MAD1L1: variants seen among roughly 807,000 people sequenced by gnomAD.
MAD1L1 encodes the protein mitotic spindle assembly checkpoint protein MAD1.
MAD1L1 carries 95 observed loss-of-function variants against 96.9 expected under a neutral mutation model. The observed-to-expected ratio is 0.98, with a 90% CI of 0.83 to 1.16. The LOEUF (loss-of-function observed/expected upper bound fraction) is 1.16, where lower values mean the gene tolerates loss of function less well. Ranked by LOEUF, MAD1L1 falls within the 50% of genes most tolerant of loss-of-function variation. The pLI is 0.00. For synonymous variants in MAD1L1, 473 were observed against 396.6 expected (o/e 1.19, Z -2.29); for missense variants, 1,007 against 954.4 (o/e 1.06, Z -0.73).
intron 10 of MAD1L1, among the ~76,000 whole-genome samples, chr7:2,199,636 G>A (rs868682034): frequency 2.0e-5 from 3 of 152,234 alleles, no homozygotes; most frequent in East Asian, 3.8e-4. Context: ...CGCCTGGCAC[G>A]GGCAGGGGTG....
At chr7:2,173,961 A>G (rs1790831232) in intron 10 of MAD1L1, among the ~76,000 whole-genome samples, 1 of 151,982 alleles carries the variant, frequency 6.6e-6, no homozygotes, top group African/African-American at 2.4e-5. Context: ...AGGCCAGCAC[A>G]CCCAGCTGCT....
intron 18 of MAD1L1, among the ~76,000 whole-genome samples, chr7:1,863,820 G>A (rs1784646990): frequency 6.6e-6 from 1 of 152,142 alleles, no homozygotes; most frequent in African/African-American, 2.4e-5. Flanking sequence ...CAGGCGCGGT[G>A]GCTCCTGCCT....
chr7:1,851,898 C>T (rs528697297), intron 18 of MAD1L1, among the ~76,000 whole-genome samples: 4 of 152,306 alleles, frequency 2.6e-5, no homozygotes, highest in Admixed American at 6.5e-5. Context: ...GGCTGCTGCC[C>T]GGGAGCTGGA....
intron 16 of MAD1L1, among the ~76,000 whole-genome samples, chr7:1,939,574 G>A (rs1259593095): frequency 6.6e-6 from 1 of 151,882 alleles, no homozygotes; most frequent in Non-Finnish European, 1.5e-5. Context: ...CAGCAAGCCA[G>A]GCCAGCACCA....
intron 11 of MAD1L1, among the ~76,000 whole-genome samples, chr7:2,145,678 T>C (rs1445525455): frequency 2.0e-5 from 3 of 152,222 alleles, no homozygotes; most frequent in Non-Finnish European, 4.4e-5. Flanking sequence ...ATCTGTTTCC[T>C]GCACCAGGTT....
chr7:1,871,235 ATACG>A (rs1247960897), intron 18 of MAD1L1, among the ~76,000 whole-genome samples: 1 of 122,082 alleles, frequency 8.2e-6, no homozygotes, highest in Non-Finnish European at 1.7e-5. Flanking sequence ...TGAACCCAAC[ATACG>A]CCTGCCACGC....
chr7:1,853,557 C>T (rs1784088674), intron 18 of MAD1L1, among the ~76,000 whole-genome samples: 1 of 152,182 alleles, frequency 6.6e-6, no homozygotes, highest in African/African-American at 2.4e-5. Flanking sequence ...CACTGCCATG[C>T]CTGACCCCGC....
At chr7:1,961,281 C>A (rs1779941084) in intron 15 of MAD1L1, among the ~76,000 whole-genome samples, 1 of 152,130 alleles carries the variant, frequency 6.6e-6, no homozygotes, top group African/African-American at 2.4e-5. Context: ...ATGTAATGGA[C>A]CTAGAATAGA....
At chr7:2,024,013 G>A (rs1782894750) in intron 12 of MAD1L1, among the ~76,000 whole-genome samples, 1 of 150,688 alleles carries the variant, frequency 6.6e-6, no homozygotes, top group Non-Finnish European at 1.5e-5. Context: ...ATAAAAAACA[G>A]TGAAGCTGAA....
rs557714802 is a variant in MAD1L1 at position 2,129,506 on chromosome 7, C to T, written c.1073+19646G>A. On this transcript the variant is annotated intron_variant, in intron 11 of 18. Coordinates refer to ENST00000265854, the MANE Select transcript of MAD1L1 (RefSeq NM_001013836.2). Reference sequence around the variant, plus strand: ...CCGTCACCTGCCAGTGACGAGGACGCGAGGAACACGCGCTTCTCAGAGTCC... The same window carrying T: ...CCGTCACCTGCCAGTGACGAGGACGTGAGGAACACGCGCTTCTCAGAGTCC... Among the ~76,000 whole-genome samples, 29 of 152,318 alleles carry T rather than the reference C, an allele frequency of 1.9e-4. 2 individuals carry two copies. The South Asian group carries it at 2.7e-3, about 14-fold the overall frequency.
intron 18 of MAD1L1, among the ~76,000 whole-genome samples, chr7:1,886,373 C>T (rs1169077909): frequency 6.6e-6 from 1 of 152,254 alleles, no homozygotes; most frequent in Non-Finnish European, 1.5e-5. Flanking sequence ...CATGTCTACA[C>T]CCGTTGGCAG....
At chr7:2,062,803 A>G (rs1721954162) in intron 12 of MAD1L1, among the ~76,000 whole-genome samples, 2 of 152,296 alleles carry the variant, frequency 1.3e-5, no homozygotes, top group African/African-American at 4.8e-5. Flanking sequence ...CACCGCAGGA[A>G]GGCAAAACTG....
rs530755036 is a variant in MAD1L1, at chr7:2,127,029, G to A, written c.1073+22123C>T. Among the ~76,000 whole-genome samples, 165 of 152,338 alleles carry A rather than the reference G, an allele frequency of 1.1e-3. 1 individual carries two copies. Among genetic ancestry groups the A allele is most frequent in the African/African-American group, 3.8e-3 (157 of 41,566 alleles). On this transcript the variant is annotated intron_variant, in intron 11 of 18. Transcript: ENST00000265854. Reference sequence around the variant, plus strand: ...AGTCACGAAGCACATCCGAGGCCTCGTTCCCAGGGAAGAACAGAGCAGACG... The same window carrying A: ...AGTCACGAAGCACATCCGAGGCCTCATTCCCAGGGAAGAACAGAGCAGACG...
At chr7:1,838,555 G>A (rs1783057513) in intron 18 of MAD1L1, 1 of 350,694 alleles carries the variant, frequency 2.9e-6, no homozygotes, top group South Asian at 2.3e-5. Context: ...AAAACCTTAC[G>A]CTCAGCGAAA....
intron 18 of MAD1L1, 122 bp from the exon 19 acceptor site, chr7:1,816,350 G>C: frequency 1.1e-6 from 1 of 923,970 alleles, no homozygotes; most frequent in South Asian, 1.6e-5. Context: ...GACCTGGACA[G>C]GGGTAGATGC....
intron 11 of MAD1L1, among the ~76,000 whole-genome samples, chr7:2,081,727 C>T (rs902163930): frequency 4.6e-5 from 7 of 152,216 alleles, no homozygotes; most frequent in African/African-American, 1.4e-4. Flanking sequence ...CCAGGCCCGG[C>T]GGAGGGGGCA....
chr7:1,940,692 C>G (rs1393137703), intron 16 of MAD1L1: 1 of 152,548 alleles, frequency 6.6e-6, no homozygotes, highest in Non-Finnish European at 1.5e-5. Context: ...GCACACAAGG[C>G]CAGCATGGGC....
chr7:1,899,000 G>A (rs996947576), intron 17 of MAD1L1, among the ~76,000 whole-genome samples: 4 of 152,328 alleles, frequency 2.6e-5, no homozygotes, highest in South Asian at 2.1e-4. Context: ...CCACCGGGAC[G>A]TTCCGGATCC....
chr7:1,987,241 C>T (rs529753120), intron 14 of MAD1L1, among the ~76,000 whole-genome samples: 1 of 152,374 alleles, frequency 6.6e-6, no homozygotes, highest in East Asian at 1.9e-4. Context: ...CTCTCCTCCC[C>T]ACTGGATGGG....
Sources: gnomAD v4.1 joint callset for allele counts (sites outside exome capture counted in the v4.1 genomes callset) on GRCh38, gnomAD v4.1.1 for gene constraint, MANE v1.5 for transcripts, NCBI Gene and HGNC (gene_info 2026-07-23, HGNC 2026-07-21) for gene names.